The following MAML2 variants were observed in gnomAD, a reference collection of about 807,000 sequenced individuals.
The protein encoded by MAML2 is mastermind like transcriptional coactivator 2.
A neutral mutation model predicts 96.1 loss-of-function variants in MAML2; 22 were observed. The ratio of observed to expected loss-of-function variants is 0.23; its 90% CI spans 0.16 to 0.33. MAML2 has a LOEUF of 0.33. Ranked by LOEUF, MAML2 falls within the 10% of genes least tolerant of loss-of-function variation. The probability of loss-of-function intolerance (pLI) is 1.00; values close to 1 mark genes in which losing one functional copy is unlikely to be tolerated. For missense variants in MAML2, 1,367 were observed against 1,392.4 expected, an observed-to-expected ratio of 0.98 and a Z score of 0.29; for synonymous variants, 561 against 521.3, an observed-to-expected ratio of 1.08 and a Z score of -1.04.
intron 1 of MAML2, among the ~76,000 whole-genome samples, chr11:96,239,616 A>G (rs371545688): frequency 2.0e-5 from 3 of 152,206 alleles, no homozygotes; most frequent in Admixed American, 2.0e-4. Context: ...AAGAAAAAAA[A>G]AAGTAGAAAG....
intron 1 of MAML2, among the ~76,000 whole-genome samples, chr11:96,106,977 G>A (rs1201723907): frequency 1.7e-4 from 2 of 11,580 alleles, no homozygotes; most frequent in African/African-American, 3.9e-4. Flanking sequence ...TATGAAAAGA[G>A]TCCTTTTTTT....
chr11:96,245,022 CAATG>C (rs750853675), intron 1 of MAML2, among the ~76,000 whole-genome samples: 2 of 152,132 alleles, frequency 1.3e-5, no homozygotes, highest in African/African-American at 2.4e-5. Context: ...ACTGTAGAAA[CAATG>C]AATAATACAA....
chr11:96,112,205 A>G (rs1463142135), intron 1 of MAML2, among the ~76,000 whole-genome samples: 1 of 152,252 alleles, frequency 6.6e-6, no homozygotes, highest in Non-Finnish European at 1.5e-5. Flanking sequence ...CTCTACCACA[A>G]GGCCAACCAA....
intron 1 of MAML2, among the ~76,000 whole-genome samples, chr11:96,326,083 C>A (rs1407816289): frequency 7.5e-6 from 1 of 132,538 alleles, no homozygotes; most frequent in Non-Finnish European, 1.6e-5. Flanking sequence ...TGTTTACTCT[C>A]TGTCTACCCC....
intron 1 of MAML2, among the ~76,000 whole-genome samples, chr11:96,101,431 C>T (rs1268208599): frequency 6.6e-6 from 1 of 152,212 alleles, no homozygotes; most frequent in East Asian, 1.9e-4. Flanking sequence ...CAGTACAACA[C>T]TACCTCGGAG....
intron 2 of MAML2, among the ~76,000 whole-genome samples, chr11:96,067,985 A>C (rs1013744338): frequency 6.6e-6 from 1 of 152,058 alleles, no homozygotes; most frequent in East Asian, 1.9e-4. Context: ...TAAATTGAAA[A>C]TTTTTTCCTG....
At chr11:96,198,158 G>A (rs1201552372) in intron 1 of MAML2, among the ~76,000 whole-genome samples, 2 of 152,184 alleles carry the variant, frequency 1.3e-5, no homozygotes, top group African/African-American at 2.4e-5. Context: ...TAAGACTAGA[G>A]CCAGGAAGAC....
rs1859753460 is a variant in MAML2 at position 96,092,907 on chromosome 11, C to A, written c.1124G>T (p.Gly375Val). The change falls in exon 2 of 5, where the codon GGC (glycine) becomes GTC (valine). Residue 375 changes from glycine to valine, a missense_variant. Gly to Val is a moderately radical substitution (Grantham distance 109). Transcript: ENST00000524717. This position sits in a 1 kb window ranked among gnomAD's most constrained non-coding sequence, Gnocchi z 4.1. ...KSEYSPGLTQ[G>V]PSGSPQLRPP... is the part of the protein sequence containing the mutation. ...CCTCAGCTGAGGAGAGCCTGAGGGGCCCTGAGTCAAGCCCGGTGAGTATTC... is the reference window on the plus strand; with the variant it reads ...CCTCAGCTGAGGAGAGCCTGAGGGGACCTGAGTCAAGCCCGGTGAGTATTC... 2 of 1,605,174 alleles carry A rather than the reference C, an allele frequency of 1.2e-6. No homozygotes were observed. The highest frequency in any genetic ancestry group is 1.1e-5 in the South Asian group (1 of 89,150).
At chr11:96,143,092 A>G (rs1045573113) in intron 1 of MAML2, among the ~76,000 whole-genome samples, 1 of 152,254 alleles carries the variant, frequency 6.6e-6, no homozygotes, top group Non-Finnish European at 1.5e-5. Flanking sequence ...AGTGTCTGAA[A>G]GCAGGCATTG....
intron 1 of MAML2, among the ~76,000 whole-genome samples, chr11:96,106,030 T>A (rs1456694380): frequency 1.3e-5 from 2 of 152,194 alleles, no homozygotes; most frequent in Non-Finnish European, 2.9e-5. Context: ...ACTTGCCACT[T>A]ATGGAAAATG....
chr11:96,308,990 G>A (rs947386157), intron 1 of MAML2, among the ~76,000 whole-genome samples: 1 of 152,112 alleles, frequency 6.6e-6, no homozygotes, highest in East Asian at 1.9e-4. Flanking sequence ...AATAATTCAT[G>A]GCATAAAATA....
chr11:96,119,374 A>T (rs1332466864), intron 1 of MAML2, among the ~76,000 whole-genome samples: 3 of 152,198 alleles, frequency 2.0e-5, no homozygotes, highest in African/African-American at 7.2e-5. Flanking sequence ...TGAAGATGGA[A>T]GGGAGCCATG....
chr11:96,245,699 T>C (rs1862501333), intron 1 of MAML2, among the ~76,000 whole-genome samples: 1 of 138,184 alleles, frequency 7.2e-6, no homozygotes, highest in East Asian at 2.2e-4. Context: ...ATCACACCCA[T>C]ACCTAATTTT....
chr11:96,303,894 A>G (rs531354788), intron 1 of MAML2, among the ~76,000 whole-genome samples: 1 of 152,300 alleles, frequency 6.6e-6, no homozygotes, highest in African/African-American at 2.4e-5. Flanking sequence ...TGTCTGAGAA[A>G]ACAAAAAGAA....
chr11:96,189,046 A>T (rs950682771), intron 1 of MAML2, among the ~76,000 whole-genome samples: 1 of 151,846 alleles, frequency 6.6e-6, no homozygotes, highest in Non-Finnish European at 1.5e-5. Flanking sequence ...AGAAGCTTCT[A>T]GCTCAATGCT....
At chr11:96,174,234 G>T (rs1029694185) in intron 1 of MAML2, among the ~76,000 whole-genome samples, 1 of 152,090 alleles carries the variant, frequency 6.6e-6, no homozygotes. Context: ...TGAATAGGAA[G>T]TCCTGTTAAG....
chr11:96,111,155 C>T (rs1565217896), intron 1 of MAML2, among the ~76,000 whole-genome samples: 1 of 152,222 alleles, frequency 6.6e-6, no homozygotes, highest in Non-Finnish European at 1.5e-5. Flanking sequence ...TCTGTGCTCA[C>T]ATAGTAAGCA....
chr11:96,060,721 G>T (rs1859144074), intron 2 of MAML2, among the ~76,000 whole-genome samples: 1 of 152,068 alleles, frequency 6.6e-6, no homozygotes, highest in Admixed American at 6.5e-5. Context: ...ACTACTCCCT[G>T]GGAGAAAATT....
In MAML2 at chr11:96,028,359, C is replaced by T. The variant is rs545709638; in HGVS notation, c.2140-36636G>A. On this transcript the variant is annotated intron_variant, in intron 2 of 4. Transcript: ENST00000524717. ...CTCATTTCTGCACCTGGCTAATTCC[C>T]ATTCATTCTTCAAGGTTTAAACTCC... Among the ~76,000 whole-genome samples the T allele has an allele frequency of 3.2e-3, 490 of 152,296 alleles. 3 individuals carry two copies. The highest frequency in any genetic ancestry group is 0.028 in the South Asian group (134 of 4,828).
Sources: gnomAD v4.1 joint callset for allele counts (sites outside exome capture counted in the v4.1 genomes callset) on GRCh38, gnomAD v4.1.1 for gene constraint, Gnocchi (gnomAD v3.1) non-coding constraint, MANE v1.5 for transcripts, NCBI Gene and HGNC (gene_info 2026-07-23, HGNC 2026-07-21) for gene names.